Variants in CC2D2A observed in about 807,000 individuals in gnomAD.
The protein encoded by CC2D2A is coiled-coil and C2 domain containing 2A.
CC2D2A carries 155 observed loss-of-function variants against 212.9 expected under a neutral mutation model. The ratio of observed to expected loss-of-function variants is 0.73; its 90% confidence interval spans 0.64 to 0.83. CC2D2A has a LOEUF of 0.83. CC2D2A is among the 40% of genes least tolerant of loss of function. CC2D2A has a pLI of 0.00. For synonymous variants in CC2D2A, 667 were observed against 686.5 expected (o/e 0.97, Z 0.44); for missense variants, 1,856 against 1,956.2 (o/e 0.95, Z 0.97).
At chr4:15,522,317 C>T (rs548877811) in intron 11 of CC2D2A, among the ~76,000 whole-genome samples, 28 of 152,304 alleles carry the variant, frequency 1.8e-4, no homozygotes, top group African/African-American at 5.5e-4. Flanking sequence ...TGCCTCAGAG[C>T]GCTTGGATCT....
chr4:15,483,616 CTTT>C (rs1027046587), intron 4 of CC2D2A, among the ~76,000 whole-genome samples: 4 of 152,162 alleles, frequency 2.6e-5, no homozygotes, highest in African/African-American at 9.7e-5. Flanking sequence ...TAAAACTCCT[CTTT>C]ATCTCACTTT....
intron 27 of CC2D2A, 83 bp downstream of exon 27, chr4:15,569,472 C>A: frequency 1.3e-6 from 1 of 778,408 alleles, no homozygotes; most frequent in Non-Finnish European, 2.2e-6. Flanking sequence ...ACATTGTTAC[C>A]AGAAAGGGGT....
chr4:15,563,274 G>A, intron 23 of CC2D2A, 81 bp from the exon 24 acceptor site: 1 of 1,383,108 alleles, frequency 7.2e-7, no homozygotes, highest in Non-Finnish European at 9.8e-7. Context: ...CAGGACCATG[G>A]GGCAGAGTTC....
At chr4:15,515,818 A>T (rs1298111220) in intron 9 of CC2D2A, 50 bp from the exon 10 acceptor site, 2 of 1,489,232 alleles carry the variant, frequency 1.3e-6, no homozygotes, top group Non-Finnish European at 1.8e-6. Flanking sequence ...GCAGTTTGAG[A>T]TATTTAGATT....
intron 28 of CC2D2A, among the ~76,000 whole-genome samples, chr4:15,573,542 C>T (rs1004552271): frequency 2.6e-5 from 4 of 152,222 alleles, no homozygotes; most frequent in Non-Finnish European, 5.9e-5. Context: ...CTACCTGCCT[C>T]GGCCTCCCAA....
chr4:15,563,409 A>G lies in CC2D2A; in HGVS notation c.3069A>G (p.Pro1023=). Residue 1023 remains proline (P), a synonymous_variant, in exon 24 of 37, where the codon CCA becomes CCG. Coordinates refer to ENST00000424120, the MANE Select transcript of CC2D2A (RefSeq NM_001378615.1). ...KLAEQKRPLR[P]RRKGRKKVTA... is the part of the protein sequence containing the mutation. ...CAGAACAAAAGCGACCACTGCGGCC[A>G]AGGAGAAAAGGTCGGAAGAAGGTGA... is the stretch of plus-strand genomic sequence containing the variant. The G allele has an allele frequency of 6.2e-7, 1 of 1,608,996 alleles. No homozygotes were observed. Among genetic ancestry groups the G allele is most frequent in the Non-Finnish European group, 8.5e-7 (1 of 1,177,580 alleles).
intron 14 of CC2D2A, 27 bp from the exon 15 acceptor site, chr4:15,536,893 A>G: frequency 6.2e-7 from 1 of 1,606,080 alleles, no homozygotes; most frequent in Non-Finnish European, 8.5e-7. Context: ...TCCAGAAATA[A>G]CCAAGGGACT....
Position 15,563,538 on chromosome 4 carries a change from ACAGCCCGAGATG to A in CC2D2A, c.3182+20_3182+31del. The A allele has an allele frequency of 6.2e-7, 1 of 1,609,160 alleles. No homozygotes were observed. Among genetic ancestry groups the A allele is most frequent in the Non-Finnish European group, 8.5e-7 (1 of 1,178,018 alleles). ...CGGCAGTGAGGTGAGAGCCCTCCCA[ACAGCCCGAGATG>A]CAGTGTGCAGCATCCCAGCCAAGTC... On this transcript the variant is annotated intron_variant, in intron 24 of 36. Coordinates refer to ENST00000424120, the MANE Select transcript of CC2D2A (RefSeq NM_001378615.1).
Position 15,480,802 on chromosome 4 carries a change from T to C in CC2D2A, c.222T>C (p.Ser74=). ...AGGAGCCCAAGACCCGCCTCCTGAG[T>C]ATGACAGTCCGGAGAGGCCCACGGA... The part of the protein sequence containing the change: ...VQEEPKTRLL[S]MTVRRGPRSL... Residue 74 remains serine, a synonymous_variant, in exon 4 of 37, where the codon AGT becomes AGC. Coordinates refer to ENST00000424120, the MANE Select transcript of CC2D2A (RefSeq NM_001378615.1). 2.5e-6 allele frequency: 4 copies of C among 1,613,336 alleles called. No individual in the cohort carries two copies. The highest frequency in any genetic ancestry group is 3.4e-6 in the Non-Finnish European group (4 of 1,179,636).
chr4:15,483,943 A>G (rs1426962012), intron 4 of CC2D2A, among the ~76,000 whole-genome samples: 2 of 152,196 alleles, frequency 1.3e-5, no homozygotes, highest in African/African-American at 4.8e-5. Context: ...GTCTCTACCT[A>G]TCTTACTCCC....
chr4:15,574,415 C>T (rs1720306707), intron 29 of CC2D2A, 89 bp downstream of exon 29: 4 of 985,458 alleles, frequency 4.1e-6, no homozygotes, highest in Middle Eastern at 2.6e-4. Context: ...CTTTTTCCTA[C>T]ACAAACAGAG....
intron 30 of CC2D2A, among the ~76,000 whole-genome samples, chr4:15,581,458 C>T (rs1444651720): frequency 1.3e-5 from 2 of 152,178 alleles, no homozygotes; most frequent in African/African-American, 4.8e-5. Flanking sequence ...GCTCTCAGGT[C>T]ATCTGATAAT....
intron 14 of CC2D2A, among the ~76,000 whole-genome samples, chr4:15,535,309 C>T (rs993169490): frequency 1.3e-5 from 2 of 151,940 alleles, no homozygotes; most frequent in African/African-American, 4.8e-5. Context: ...TGCTAACTCT[C>T]CCTCCATCCC....
intron 22 of CC2D2A, 88 bp from the exon 23 acceptor site, chr4:15,560,436 CACTGAGA>C: frequency 1.6e-6 from 1 of 632,710 alleles, no homozygotes; most frequent in South Asian, 2.0e-5. Context: ...ACTGGGGGGA[CACTGAGA>C]TGACATTAGG....
At chr4:15,596,287 C>A in intron 34 of CC2D2A, 80 bp downstream of exon 34, 1 of 1,305,500 alleles carries the variant, frequency 7.7e-7, no homozygotes, top group Non-Finnish European at 1.0e-6. Context: ...TATTTTTTAC[C>A]CCTGGGTAGT....
intron 4 of CC2D2A, among the ~76,000 whole-genome samples, chr4:15,501,052 T>C (rs1002252463): frequency 6.6e-6 from 1 of 152,152 alleles, no homozygotes; most frequent in Non-Finnish European, 1.5e-5. Context: ...ATCATCAAAC[T>C]CCTCGTGTTG....
At chr4:15,569,027 C>T (rs1720032094) in intron 26 of CC2D2A, among the ~76,000 whole-genome samples, 1 of 152,162 alleles carries the variant, frequency 6.6e-6, no homozygotes, top group Admixed American at 6.5e-5. Flanking sequence ...GAAAAGCTTA[C>T]CACAAGGGTG....
Position 15,583,702 on chromosome 4 carries a change from C to G in CC2D2A, c.3976-2455C>G, listed in dbSNP as rs181887495. Among the ~76,000 whole-genome samples, 862 of 152,248 alleles carry G rather than the reference C, an allele frequency of 5.7e-3. 7 individuals are homozygous for G. Among genetic ancestry groups the G allele is most frequent in the African/African-American group, 0.02 (825 of 41,544 alleles). On this transcript the variant is annotated intron_variant, in intron 30 of 36. Coordinates refer to ENST00000424120, the MANE Select transcript of CC2D2A (RefSeq NM_001378615.1). Reference sequence around the variant, plus strand: ...TGGTGGCTCACGCCTGTAATCCCAGCACTTTGGGAGGCCGAGGCGGGCGGA... The same window carrying G: ...TGGTGGCTCACGCCTGTAATCCCAGGACTTTGGGAGGCCGAGGCGGGCGGA...
At chr4:15,495,757 G>T (rs1004207620) in intron 4 of CC2D2A, among the ~76,000 whole-genome samples, 1 of 152,170 alleles carries the variant, frequency 6.6e-6, no homozygotes, top group Non-Finnish European at 1.5e-5. Context: ...CCAGTAATGG[G>T]ATTACTGGGC....
Sources: allele counts gnomAD v4.1 joint callset (sites outside exome capture counted in the v4.1 genomes callset), GRCh38; gene constraint gnomAD v4.1.1; transcripts MANE v1.5; gene names NCBI Gene and HGNC (gene_info 2026-07-23, HGNC 2026-07-21).